SPOCK1: variants seen among roughly 807,000 people sequenced by gnomAD.
SPOCK1 encodes testican-1.
In SPOCK1, 23 loss-of-function variants were observed where a neutral mutation model predicts 55.3. The ratio of observed to expected loss-of-function variants is 0.42; its 90% confidence interval spans 0.30 to 0.59. The LOEUF (loss-of-function observed/expected upper bound fraction) is 0.59, where lower values mean the gene tolerates loss of function less well. Among genes scored for constraint, SPOCK1 ranks in the 20% least tolerant of loss-of-function variants. The pLI is 0.22. For synonymous variants in SPOCK1, 226 were observed against 221.0 expected (o/e 1.02, Z -0.20); for missense variants, 499 against 552.5 (o/e 0.90, Z 0.97).
chr5:137,238,834 G>C (rs1241621719), intron 3 of SPOCK1, among the ~76,000 whole-genome samples: 1 of 152,202 alleles, frequency 6.6e-6, no homozygotes, highest in Admixed American at 6.5e-5. Flanking sequence ...GTGATAGTGA[G>C]ATATACACTT....
chr5:137,005,183 C>T (rs1751223830), intron 6 of SPOCK1, among the ~76,000 whole-genome samples: 1 of 152,072 alleles, frequency 6.6e-6, no homozygotes. Flanking sequence ...TTATAGGAGG[C>T]CATCTGTCAC....
rs183261849 is a variant in SPOCK1 at position 137,318,984 on chromosome 5, A to T, written c.187-51929T>A. Among the ~76,000 whole-genome samples the T allele has an allele frequency of 1.8e-4, 28 of 152,366 alleles. 1 individual carries two copies. Among genetic ancestry groups the T allele is most frequent in the Non-Finnish European group, 3.1e-4 (21 of 68,042 alleles). ...ATAGATGTCATTCTATCCAGGGCAT[A>T]CAATTCATGCTTTAGCCCCTAAAAT... On this transcript the variant is annotated intron_variant, in intron 2 of 10. Coordinates refer to ENST00000394945, the MANE Select transcript of SPOCK1 (RefSeq NM_004598.4).
intron 2 of SPOCK1, among the ~76,000 whole-genome samples, chr5:137,497,526 A>G (rs1303060135): frequency 6.6e-6 from 1 of 152,204 alleles, no homozygotes; most frequent in African/African-American, 2.4e-5. Flanking sequence ...AAGCTGGCAG[A>G]CGCTCCCACA....
intron 4 of SPOCK1, among the ~76,000 whole-genome samples, chr5:137,127,274 A>G (rs535454364): frequency 6.6e-6 from 1 of 152,376 alleles, no homozygotes; most frequent in South Asian, 2.1e-4. Flanking sequence ...AGTGAGTACT[A>G]TGAGGCCACC....
At chr5:137,298,010 C>G (rs983613651) in intron 2 of SPOCK1, among the ~76,000 whole-genome samples, 7 of 152,172 alleles carry the variant, frequency 4.6e-5, no homozygotes, top group African/African-American at 1.7e-4. Flanking sequence ...TGGAATCAGA[C>G]AGACGTGGCC....
chr5:136,994,782 G>T (rs1004380180), intron 6 of SPOCK1, among the ~76,000 whole-genome samples: 2 of 151,826 alleles, frequency 1.3e-5, no homozygotes, highest in Non-Finnish European at 2.9e-5. Flanking sequence ...AGAGGCAGTG[G>T]ATCACCTGAG....
intron 2 of SPOCK1, among the ~76,000 whole-genome samples, chr5:137,288,408 G>A (rs1179535527): frequency 6.6e-6 from 1 of 152,206 alleles, no homozygotes; most frequent in African/African-American, 2.4e-5. Context: ...GACCAGCACA[G>A]TGTCCTGAAT....
intron 3 of SPOCK1, among the ~76,000 whole-genome samples, chr5:137,224,338 T>C (rs1427328998): frequency 2.0e-5 from 3 of 152,258 alleles, no homozygotes; most frequent in South Asian, 2.1e-4. Context: ...CTGCTTGCCA[T>C]GTAGGCAGGG....
At chr5:137,180,940 A>G (rs1359242439) in intron 3 of SPOCK1, among the ~76,000 whole-genome samples, 2 of 152,170 alleles carry the variant, frequency 1.3e-5, no homozygotes, top group African/African-American at 2.4e-5. Flanking sequence ...ATCGAATCCA[A>G]TCTTACACAC....
At chr5:137,418,648 G>C (rs1451914315) in intron 2 of SPOCK1, among the ~76,000 whole-genome samples, 1 of 151,950 alleles carries the variant, frequency 6.6e-6, no homozygotes, top group Non-Finnish European at 1.5e-5. Flanking sequence ...TTTTTGATGG[G>C]GTTGTTTTTT....
intron 4 of SPOCK1, among the ~76,000 whole-genome samples, chr5:137,118,417 G>C (rs922708493): frequency 1.3e-5 from 2 of 152,118 alleles, no homozygotes; most frequent in African/African-American, 4.8e-5. Flanking sequence ...AACTCCGCAC[G>C]TCAGTGTTTC....
intron 6 of SPOCK1, among the ~76,000 whole-genome samples, chr5:136,995,943 G>T (rs1284584787): frequency 6.6e-6 from 1 of 152,170 alleles, no homozygotes; most frequent in Non-Finnish European, 1.5e-5. Flanking sequence ...CACTCACAAG[G>T]TCTTCAACCG....
At chr5:137,031,557 C>A (rs918529859) in intron 6 of SPOCK1, among the ~76,000 whole-genome samples, 1 of 152,198 alleles carries the variant, frequency 6.6e-6, no homozygotes, top group African/African-American at 2.4e-5. Flanking sequence ...ATTATGAAAG[C>A]ACATTCTTCC....
At chr5:137,456,599 C>T (rs1052921266) in intron 2 of SPOCK1, among the ~76,000 whole-genome samples, 9 of 152,002 alleles carry the variant, frequency 5.9e-5, no homozygotes, top group Non-Finnish European at 1.0e-4. Context: ...ACTTACTAAA[C>T]GATATTATGT....
At chr5:137,080,722 A>T (rs150845499) in intron 5 of SPOCK1, among the ~76,000 whole-genome samples, 1 of 152,298 alleles carries the variant, frequency 6.6e-6, no homozygotes, top group African/African-American at 2.4e-5. Flanking sequence ...AGCAAGCCCC[A>T]CAAAGCCCTG....
intron 6 of SPOCK1, among the ~76,000 whole-genome samples, chr5:137,030,603 C>T (rs914527767): frequency 1.3e-5 from 2 of 152,168 alleles, no homozygotes; most frequent in African/African-American, 4.8e-5. Context: ...TAACTAACAA[C>T]TCAGGATTAG....
intron 3 of SPOCK1, among the ~76,000 whole-genome samples, chr5:137,145,339 T>G (rs1170303855): frequency 6.6e-6 from 1 of 152,256 alleles, no homozygotes; most frequent in Non-Finnish European, 1.5e-5. Context: ...TCTTAATTGT[T>G]TCTGAACTTG....
intron 2 of SPOCK1, among the ~76,000 whole-genome samples, chr5:137,373,248 C>A (rs1343954782): frequency 6.6e-6 from 1 of 152,176 alleles, no homozygotes; most frequent in African/African-American, 2.4e-5. Flanking sequence ...ACCAACTGTA[C>A]TGTGAGTAAA....
chr5:137,207,009 A>G (rs1305500689), intron 3 of SPOCK1, among the ~76,000 whole-genome samples: 1 of 152,254 alleles, frequency 6.6e-6, no homozygotes, highest in Non-Finnish European at 1.5e-5. Context: ...CCTGTGAAGA[A>G]TATGAGAGTA....
Sources: gnomAD v4.1 joint callset for allele counts (sites outside exome capture counted in the v4.1 genomes callset) on GRCh38, gnomAD v4.1.1 for gene constraint, MANE v1.5 for transcripts, NCBI Gene and HGNC (gene_info 2026-07-23, HGNC 2026-07-21) for gene names.